DNAJB7: variants seen among roughly 807,000 people sequenced by gnomAD.
DNAJB7 encodes the protein DnaJ heat shock protein family (Hsp40) member B7, also known as dnaJ homolog subfamily B member 7.
In DNAJB7, 1 loss-of-function variant was observed where a neutral mutation model predicts 1.2. That is an observed-to-expected ratio of 0.84 (90% CI 0.30 to 4.01). DNAJB7 has a LOEUF of 4.01. Among genes scored for constraint, DNAJB7 ranks in the 30% most tolerant of loss-of-function variants. The pLI, the probability that DNAJB7 is intolerant of heterozygous loss-of-function variation, is 0.18. For missense variants in DNAJB7, 420 were observed against 358.5 expected, an observed-to-expected ratio of 1.17 and a Z score of -1.39; for synonymous variants, 128 against 127.7, an observed-to-expected ratio of 1.00 and a Z score of -0.01.
chr22:40,860,643 G>A lies in DNAJB7; in HGVS notation c.*422C>T. 1 of 1,291,662 alleles carries A rather than the reference G, an allele frequency of 7.7e-7. No homozygotes were observed. The highest frequency in any genetic ancestry group is 1.0e-6 in the Non-Finnish European group (1 of 959,680). 80.0% of individuals were successfully genotyped at this position (1,291,662 alleles called of 1,614,324 possible). A position where few individuals can be genotyped will look rare whatever the true frequency, so the allele number is the denominator to read the frequency against. ...ATTCAAAAGTAAAAAACTCATTGCA[G>A]TTTTCCAAATTCCTTTTTTTTTTTT... On this transcript the variant is annotated 3_prime_UTR_variant, in exon 1 of 1. Transcript: ENST00000307221.
Position 40,861,949 on chromosome 22 carries a change from G to A in DNAJB7, c.46C>T (p.Pro16Ser). 6.2e-7 allele frequency: 1 copy of A among 1,611,032 alleles called. No homozygotes were observed. Among genetic ancestry groups the A allele is most frequent in the South Asian group, 1.1e-5 (1 of 90,600 alleles). The change falls in exon 1 of 1, where the codon CCT (proline) becomes TCT (serine). Residue 16 changes from proline to serine, a missense_variant. By Grantham distance (74) the Pro-to-Ser change is moderately conservative. Transcript: ENST00000307221. ...EVLGLQRYAS[P>S]EDIKKAYHKV... ...TGATAAGCTTTTTTAATGTCCTCAG[G>A]TGAAGCATATCTTTGCAGTCCTAGA...
rs2145764273 is a variant in DNAJB7 at position 40,860,408 on chromosome 22, C to T, written c.*657G>A. 1 of 248,982 alleles carries T rather than the reference C, an allele frequency of 4.0e-6. No homozygotes were observed. Among genetic ancestry groups the T allele is most frequent in the Middle Eastern group, 1.3e-3 (1 of 754 alleles). 15.4% of individuals were successfully genotyped at this position (248,982 alleles called of 1,614,324 possible). A position where few individuals can be genotyped will look rare whatever the true frequency, so the allele number is the denominator to read the frequency against. ...TATTTCTAACTTAAAATACTTTATA[C>T]TTTAATTTTTAATTTGTAGTACCTT... On this transcript the variant is annotated 3_prime_UTR_variant, in exon 1 of 1. Transcript: ENST00000307221.
Position 40,861,430 on chromosome 22 carries a change from T to C in DNAJB7, c.565A>G (p.Thr189Ala). 6.2e-7 allele frequency: 1 copy of C among 1,613,922 alleles called. No individual in the cohort carries two copies. The highest frequency in any genetic ancestry group is 8.5e-7 in the Non-Finnish European group (1 of 1,179,988). ...SGMDNYISVT[T>A]SDKIVNGRNI... ...CTGCCATTAACGATTTTGTCTGAAG[T>C]TGTAACAGATATGTAGTTGTCCATC... The change falls in exon 1 of 1, where the codon ACT (threonine) becomes GCT (alanine). Residue 189 changes from threonine (T) to alanine (A), a missense_variant. Thr to Ala is a moderately conservative substitution (Grantham distance 58). Transcript: ENST00000307221.
Position 40,862,028 on chromosome 22 carries a change from G to C in DNAJB7, c.-34C>G. ...AGATAGTTGGAAGTGGGTGTGCTGG[G>C]TATTGAGAACCGTGGTTTCCTCAGC... On this transcript the variant is annotated 5_prime_UTR_variant, in exon 1 of 1. Transcript: ENST00000307221. The C allele has an allele frequency of 1.3e-6, 2 of 1,548,678 alleles. No homozygotes were observed. The highest frequency in any genetic ancestry group is 1.7e-6 in the Non-Finnish European group (2 of 1,154,254).
Position 40,860,962 on chromosome 22 carries a change from T to G in DNAJB7, c.*103A>C. 2 of 1,108,182 alleles carry G rather than the reference T, an allele frequency of 1.8e-6. No individual in the cohort carries two copies. Among genetic ancestry groups the G allele is most frequent in the Non-Finnish European group, 1.3e-6 (1 of 786,218 alleles). 68.6% of individuals were successfully genotyped at this position (1,108,182 alleles called of 1,614,324 possible). A position where few individuals can be genotyped will look rare whatever the true frequency, so the allele number is the denominator to read the frequency against. On this transcript the variant is annotated 3_prime_UTR_variant, in exon 1 of 1. Transcript: ENST00000307221. ...CAAATGTCCACAATCCTGCTAAAAGTGTTGAAAAGCTCTTAGTATAGTATT... is the reference window on the plus strand; with the variant it reads ...CAAATGTCCACAATCCTGCTAAAAGGGTTGAAAAGCTCTTAGTATAGTATT...
chr22:40,861,395 A>T lies in DNAJB7; in HGVS notation c.600T>A (p.Asn200Lys), dbSNP rs776233221. 3.1e-5 allele frequency: 50 copies of T among 1,613,600 alleles called. No homozygotes were observed. The highest frequency in any genetic ancestry group is 4.2e-5 in the Non-Finnish European group (50 of 1,179,918). ...SDKIVNGRNI[N>K]TKKIIESDQE... ...GATCACTTTCAATAATTTTCTTTGTATTAATATTTCTGCCATTAACGATTT... is the reference window on the plus strand; with the variant it reads ...GATCACTTTCAATAATTTTCTTTGTTTTAATATTTCTGCCATTAACGATTT... The change falls in exon 1 of 1, where the codon AAT becomes AAA. Residue 200 changes from asparagine (N) to lysine (K), a missense_variant. Asn to Lys is a moderately conservative substitution (Grantham distance 94). Transcript: ENST00000307221.
chr22:40,860,497 T>C lies in DNAJB7; in HGVS notation c.*568A>G. 2.1e-6 allele frequency: 1 copy of C among 486,098 alleles called. No individual in the cohort carries two copies. Among genetic ancestry groups the C allele is most frequent in the Non-Finnish European group, 3.3e-6 (1 of 301,326 alleles). 30.1% of individuals were successfully genotyped at this position (486,098 alleles called of 1,614,324 possible). On this transcript the variant is annotated 3_prime_UTR_variant, in exon 1 of 1. Transcript: ENST00000307221. The stretch of plus-strand genomic sequence containing the variant: ...AACAGCCATTTCATGAATAATTGTG[T>C]AGTCTGAACCTGTGTGTCTTGATAC...
rs748124037 is a variant in DNAJB7, at chr22:40,861,782, T to A, written c.213A>T (p.Glu71Asp). 1 of 1,613,628 alleles carries A rather than the reference T, an allele frequency of 6.2e-7. No homozygotes were observed. Among genetic ancestry groups the A allele is most frequent in the Admixed American group, 1.7e-5 (1 of 59,918 alleles). Residue 71 changes from glutamate (E) to aspartate (D), a missense_variant, in exon 1 of 1, where the codon GAA (glutamate) becomes GAT (aspartate). By Grantham distance (45) the Glu-to-Asp change is conservative. Transcript: ENST00000307221. ...KRDIYDKYGT[E>D]GLNGGGSHFD... ...AATGACTTCCACCTCCGTTTAATCC[T>A]TCTGTGCCATATTTATCATAAATGT... is the stretch of plus-strand genomic sequence containing the variant.
chr22:40,860,992 G>A lies in DNAJB7; in HGVS notation c.*73C>T, dbSNP rs927753950. 7 of 1,397,506 alleles carry A rather than the reference G, an allele frequency of 5.0e-6. No homozygotes were observed. The Admixed American group carries it at 1.4e-4, about 27-fold the overall frequency. 86.6% of individuals were successfully genotyped at this position (1,397,506 alleles called of 1,614,324 possible). ...AAAAGCTCTTAGTATAGTATTAAGT[G>A]TTATCTACAAAATTTGTGATTAACC... On this transcript the variant is annotated 3_prime_UTR_variant, in exon 1 of 1. Coordinates refer to ENST00000307221, the MANE Select transcript of DNAJB7 (RefSeq NM_145174.2).
chr22:40,860,386 T>A lies in DNAJB7; in HGVS notation c.*679A>T, dbSNP rs1331592242. 1 of 197,388 alleles carries A rather than the reference T, an allele frequency of 5.1e-6. No homozygotes were observed. Among genetic ancestry groups the A allele is most frequent in the Non-Finnish European group, 1.0e-5 (1 of 97,706 alleles). The allele number at this position is 197,388 out of a possible 1,614,324, so 12.2% of individuals were successfully genotyped here. A position where few individuals can be genotyped will look rare whatever the true frequency, so the allele number is the denominator to read the frequency against. On this transcript the variant is annotated 3_prime_UTR_variant, in exon 1 of 1. Transcript: ENST00000307221. ...AGCCACTGCACCCAGCTAAGTCTATTTCTAACTTAAAATACTTTATACTTT... is the reference window on the plus strand; with the variant it reads ...AGCCACTGCACCCAGCTAAGTCTATATCTAACTTAAAATACTTTATACTTT...
In DNAJB7 at chr22:40,861,873, T is replaced by G. The variant is rs2269619; in HGVS notation, c.122A>C (p.Glu41Ala). 8.4e-3 allele frequency: 13,595 copies of G among 1,613,716 alleles called. 164 individuals are homozygous for G. The highest frequency in any genetic ancestry group is 0.043 in the East Asian group (1,936 of 44,868). ...HPDKNPENKE[E>A]AERKFKEVAE... ...TACTTCTTTGAATTTTCTCTCTGCT[T>G]CTTCTTTATTTTCTGGATTTTTATC... The change falls in exon 1 of 1, where the codon GAA becomes GCA. Residue 41 changes from glutamate (E) to alanine (A), a missense_variant. Transcript: ENST00000307221.
rs2187908 is a variant in DNAJB7, at chr22:40,860,037, T to C, written c.*1028A>G. 2.6e-5 allele frequency: 4 copies of C among 152,166 alleles called. No homozygotes were observed. The highest frequency in any genetic ancestry group is 5.9e-5 in the Non-Finnish European group (4 of 68,028). The allele number at this position is 152,166 out of a possible 1,614,324, so 9.4% of individuals were successfully genotyped here. A position where few individuals can be genotyped will look rare whatever the true frequency, so the allele number is the denominator to read the frequency against. ...CCTTTAAAAAAAATGTGGTAAAATA[T>C]ACTACATAAAATTTACCATGTTACC... On this transcript the variant is annotated 3_prime_UTR_variant, in exon 1 of 1. Transcript: ENST00000307221.
At chr22:40,861,284 G>T in the DNAJB7 span, 1 of 1,614,108 alleles carries the variant, frequency 6.2e-7, no homozygotes. Context: ...TTCTCCAGCT[G>T]CATTCTTTTG....
chr22:40,861,149 G>C lies in DNAJB7; in HGVS notation c.846C>G (p.Phe282Leu). The C allele has an allele frequency of 6.2e-7, 1 of 1,613,984 alleles. No individual in the cohort carries two copies. The highest frequency in any genetic ancestry group is 8.5e-7 in the Non-Finnish European group (1 of 1,179,996). The change falls in exon 1 of 1, where the codon TTC (phenylalanine) becomes TTG (leucine). Residue 282 changes from phenylalanine (F) to leucine (L), a missense_variant. Transcript: ENST00000307221. The stretch of plus-strand genomic sequence containing the variant: ...TACCACCCTCTTTGACTCCTGCTGA[G>C]AAAATAGGGGGATCTCTGTTGCTGG... ...WVTSNRDPPIFSAGVKEGGKR... is the reference protein window; with the variant it reads ...WVTSNRDPPILSAGVKEGGKR...
rs1419182212 is a variant in DNAJB7, at chr22:40,861,327, A to G, written c.668T>C (p.Leu223Pro). The G allele has an allele frequency of 6.2e-7, 1 of 1,614,070 alleles. No homozygotes were observed. Among genetic ancestry groups the G allele is most frequent in the Non-Finnish European group, 8.5e-7 (1 of 1,180,034 alleles). Residue 223 changes from leucine to proline, a missense_variant, in exon 1 of 1, where the codon CTT becomes CCT. Leu to Pro is a moderately conservative substitution (Grantham distance 98). Transcript: ENST00000307221. ...CTCTTCATTGGCCACACTATTTACA[A>G]GAAAAAATGTCAACTCTCCATTATC... ...AEDNGELTFF[L>P]VNSVANEEGF...
Position 40,861,291 on chromosome 22 carries a change from T to A in DNAJB7, c.704A>T (p.Lys235Ile). ...NSVANEEGFAKECSWRTQSFN... is the reference protein window; with the variant it reads ...NSVANEEGFAIECSWRTQSFN... ...TGACTGTGTTCTCCAGCTGCATTCT[T>A]TTGCAAAGCCCTCTTCATTGGCCAC... The change falls in exon 1 of 1, where the codon AAA becomes ATA. Residue 235 changes from lysine to isoleucine, a missense_variant. Coordinates refer to ENST00000307221, the MANE Select transcript of DNAJB7 (RefSeq NM_145174.2). 7 of 1,614,186 alleles carry A rather than the reference T, an allele frequency of 4.3e-6. No homozygotes were observed. The highest frequency in any genetic ancestry group is 5.9e-6 in the Non-Finnish European group (7 of 1,180,020).
chr22:40,859,980 A>C lies in DNAJB7; in HGVS notation c.*1085T>G, dbSNP rs1021616703. ...GTGATTCACTGATGGCCTACCATAC[A>C]GACTGCTCTGAGGAATTCAGGATAA... On this transcript the variant is annotated 3_prime_UTR_variant, in exon 1 of 1. Coordinates refer to ENST00000307221, the MANE Select transcript of DNAJB7 (RefSeq NM_145174.2). 3 of 152,242 alleles carry C rather than the reference A, an allele frequency of 2.0e-5. No homozygotes were observed. The highest frequency in any genetic ancestry group is 4.4e-5 in the Non-Finnish European group (3 of 68,042). 9.4% of individuals were successfully genotyped at this position (152,242 alleles called of 1,614,324 possible).
rs202011264 is a variant in DNAJB7, at chr22:40,860,656, C to CTT, written c.*407_*408dup. ...AAACTCATTGCAGTTTTCCAAATTC[C>CTT]TTTTTTTTTTTTTTAAGACAGGGTC... On this transcript the variant is annotated 3_prime_UTR_variant, in exon 1 of 1. Transcript: ENST00000307221. 718 of 1,128,974 alleles carry CTT rather than the reference C, an allele frequency of 6.4e-4. No homozygotes were observed. Among genetic ancestry groups the CTT allele is most frequent in the South Asian group, 1.5e-3 (90 of 59,796 alleles). 69.9% of individuals were successfully genotyped at this position (1,128,974 alleles called of 1,614,324 possible). A position where few individuals can be genotyped will look rare whatever the true frequency, so the allele number is the denominator to read the frequency against.
chr22:40,861,263 G>C lies in DNAJB7; in HGVS notation c.732C>G (p.Phe244Leu), dbSNP rs1375675506. The change falls in exon 1 of 1, where the codon TTC becomes TTG. Residue 244 changes from phenylalanine to leucine, a missense_variant. Coordinates refer to ENST00000307221, the MANE Select transcript of DNAJB7 (RefSeq NM_145174.2). Reference protein sequence around the residue: ...AKECSWRTQSFNNYSPNSHSS... With the variant: ...AKECSWRTQSLNNYSPNSHSS... ...TGTGAGAATTTGGTGAATAGTTGTT[G>C]AATGACTGTGTTCTCCAGCTGCATT... is the stretch of plus-strand genomic sequence containing the variant. The C allele has an allele frequency of 1.9e-6, 3 of 1,614,006 alleles. No homozygotes were observed. Among genetic ancestry groups the C allele is most frequent in the African/African-American group, 1.3e-5 (1 of 74,920 alleles).
Sources: allele counts gnomAD v4.1 joint callset, GRCh38; gene constraint gnomAD v4.1.1; transcripts MANE v1.5; gene names NCBI Gene and HGNC (gene_info 2026-07-23, HGNC 2026-07-21).